Variants in NRIP1 observed in about 807,000 individuals in gnomAD.
NRIP1 encodes nuclear receptor-interacting protein 1.
In NRIP1, 28 loss-of-function variants were observed where a neutral mutation model predicts 75.0. That is an observed-to-expected ratio of 0.37 (90% CI 0.28 to 0.51). NRIP1 has a LOEUF of 0.51. NRIP1 is among the 20% of genes least tolerant of loss of function. The probability of loss-of-function intolerance (pLI) is 0.92; values close to 1 mark genes in which losing one functional copy is unlikely to be tolerated. For missense variants in NRIP1, 1,435 were observed against 1,343.7 expected (o/e 1.07, Z -1.06); for synonymous variants, 526 against 487.6 (o/e 1.08, Z -1.04).
At chr21:14,999,465 A>C (rs921374053) in intron 3 of NRIP1, among the ~76,000 whole-genome samples, 1 of 152,176 alleles carries the variant, frequency 6.6e-6, no homozygotes, top group East Asian at 1.9e-4. Flanking sequence ...CTGCAGCTAC[A>C]GGAATAAAAT....
intron 1 of NRIP1, among the ~76,000 whole-genome samples, chr21:15,049,873 G>C (rs1391466121): frequency 6.6e-6 from 1 of 152,004 alleles, no homozygotes; most frequent in African/African-American, 2.4e-5. Flanking sequence ...ATCATTTCAA[G>C]AGATGCTACT....
intron 2 of NRIP1, among the ~76,000 whole-genome samples, chr21:15,034,099 C>T (rs1236929890): frequency 6.6e-6 from 1 of 152,200 alleles, no homozygotes; most frequent in Non-Finnish European, 1.5e-5. Context: ...GTTACTACCA[C>T]AGGATAAACA....
chr21:15,031,658 T>A (rs1412619762), intron 2 of NRIP1, among the ~76,000 whole-genome samples: 6 of 87,926 alleles, frequency 6.8e-5, no homozygotes, highest in African/African-American at 3.9e-4. Flanking sequence ...ATCACTACAT[T>A]CCCTTTCTAT....
At chr21:15,049,177 G>T (rs2089151721) in intron 1 of NRIP1, among the ~76,000 whole-genome samples, 1 of 151,988 alleles carries the variant, frequency 6.6e-6, no homozygotes, top group African/African-American at 2.4e-5. Flanking sequence ...TAATATTCAG[G>T]TTACAAAGCT....
chr21:15,030,841 G>A (rs1288452253), intron 2 of NRIP1, among the ~76,000 whole-genome samples: 5 of 147,768 alleles, frequency 3.4e-5, no homozygotes, highest in African/African-American at 7.3e-5. Context: ...TCTGGAAGGC[G>A]GTTGGAGGAT....
intron 2 of NRIP1, among the ~76,000 whole-genome samples, chr21:15,026,285 G>A (rs564697606): frequency 8.3e-4 from 127 of 152,270 alleles, no homozygotes; most frequent in Non-Finnish European, 1.5e-3. Context: ...CACATGAAAA[G>A]ATGTTCAGCC....
At chr21:14,975,910 A>G (rs2087052327) in intron 3 of NRIP1, among the ~76,000 whole-genome samples, 1 of 152,158 alleles carries the variant, frequency 6.6e-6, no homozygotes, top group Non-Finnish European at 1.5e-5. Flanking sequence ...TTGACTTCTA[A>G]AAGGTTCCAA....
intron 1 of NRIP1, among the ~76,000 whole-genome samples, chr21:15,053,058 A>C (rs2147377352): frequency 6.6e-6 from 1 of 152,352 alleles, no homozygotes; most frequent in African/African-American, 2.4e-5. Context: ...CAATATTAAC[A>C]AATATTGTCA....
At chr21:14,977,485 A>C (rs1234883531) in intron 3 of NRIP1, among the ~76,000 whole-genome samples, 2 of 152,204 alleles carry the variant, frequency 1.3e-5, no homozygotes, top group Non-Finnish European at 2.9e-5. Flanking sequence ...CCAACACTTA[A>C]TTTCACATAA....
chr21:15,043,620 C>T (rs2089006283), intron 1 of NRIP1, 46 bp from the exon 2 acceptor site: 1 of 152,076 alleles, frequency 6.6e-6, no homozygotes, highest in African/African-American at 2.4e-5. Context: ...CACCTTATCT[C>T]AAAGATTTGT....
intron 2 of NRIP1, among the ~76,000 whole-genome samples, chr21:15,041,963 G>A (rs574281194): frequency 2.0e-4 from 30 of 151,870 alleles, no homozygotes; most frequent in Middle Eastern, 6.8e-3. Flanking sequence ...CCTTTCCCCC[G>A]TAACCGACAA....
chr21:14,987,477 T>TC (rs2087438242), intron 3 of NRIP1, among the ~76,000 whole-genome samples: 1 of 152,206 alleles, frequency 6.6e-6, no homozygotes, highest in East Asian at 1.9e-4. Flanking sequence ...ACTGACCAGG[T>TC]CTGTCACCTT....
rs565180036 is a variant in NRIP1, at chr21:15,050,831, ACCT to A, written c.-537-7260_-537-7258del. 33 of 455,958 alleles carry A rather than the reference ACCT, an allele frequency of 7.2e-5. No homozygotes were observed. The East Asian group carries it at 2.2e-3, about 30-fold the overall frequency. 28.2% of individuals were successfully genotyped at this position (455,958 alleles called of 1,614,324 possible). On this transcript the variant is annotated intron_variant, in intron 1 of 3. Transcript: ENST00000318948. Reference sequence around the variant, plus strand: ...TGCAAACTAAACAATCCACAGCGATACCTCCTCTACCTGACCCATACACCCAGG... The same window carrying A: ...TGCAAACTAAACAATCCACAGCGATACCTCTACCTGACCCATACACCCAGG...
At chr21:15,044,926 A>G (rs1027330000) in intron 1 of NRIP1, among the ~76,000 whole-genome samples, 5 of 152,350 alleles carry the variant, frequency 3.3e-5, no homozygotes, top group African/African-American at 1.2e-4. Flanking sequence ...GATAAATGAC[A>G]TCAATTAATC....
At chr21:15,040,464 T>TCACCAGAATAATA (rs1468496394) in intron 2 of NRIP1, among the ~76,000 whole-genome samples, 7 of 152,198 alleles carry the variant, frequency 4.6e-5, no homozygotes, top group African/African-American at 1.7e-4. Flanking sequence ...GAATGAATAA[T>TCACCAGAATAATA]ATCAATTTTA....
At chr21:14,989,146 G>A (rs2087497222) in intron 3 of NRIP1, among the ~76,000 whole-genome samples, 1 of 152,180 alleles carries the variant, frequency 6.6e-6, no homozygotes, top group Admixed American at 6.5e-5. Flanking sequence ...CATTATGTAA[G>A]ACAAACTGCA....
intron 1 of NRIP1, among the ~76,000 whole-genome samples, chr21:15,050,019 T>C (rs1425970983): frequency 6.6e-6 from 1 of 152,188 alleles, no homozygotes; most frequent in South Asian, 2.1e-4. Context: ...CCAATTCACT[T>C]TGGATTAGCT....
Position 14,961,348 on chromosome 21 carries a change from A to G in NRIP1, c.*3368T>C, listed in dbSNP as rs1037912972. 6 of 152,470 alleles carry G rather than the reference A, an allele frequency of 3.9e-5. No homozygotes were observed. The highest frequency in any genetic ancestry group is 7.4e-5 in the Non-Finnish European group (5 of 67,916). The allele number at this position is 152,470 out of a possible 1,614,324, so 9.4% of individuals were successfully genotyped here. Reference sequence around the variant, plus strand: ...AGTATGTACAGTTTCATGACATCACATGAAGAAATTAAATTTCTAATAAAA... The same window carrying G: ...AGTATGTACAGTTTCATGACATCACGTGAAGAAATTAAATTTCTAATAAAA... On this transcript the variant is annotated 3_prime_UTR_variant, in exon 4 of 4. Coordinates refer to ENST00000318948, the MANE Select transcript of NRIP1 (RefSeq NM_003489.4).
At chr21:15,037,670 A>T (rs373115273) in intron 2 of NRIP1, among the ~76,000 whole-genome samples, 7 of 151,968 alleles carry the variant, frequency 4.6e-5, no homozygotes, top group African/African-American at 1.7e-4. Context: ...GGTTCAAAAG[A>T]CATCTGAGCT....
Sources: gnomAD v4.1 joint callset for allele counts (sites outside exome capture counted in the v4.1 genomes callset) on GRCh38, gnomAD v4.1.1 for gene constraint, MANE v1.5 for transcripts, NCBI Gene and HGNC (gene_info 2026-07-23, HGNC 2026-07-21) for gene names.